Variants in NKIRAS1 observed in about 807,000 individuals in gnomAD.
The protein encoded by NKIRAS1 is NFKB inhibitor interacting Ras like 1.
In NKIRAS1, 16 loss-of-function variants were observed where a neutral mutation model predicts 19.8. That is an observed-to-expected ratio of 0.81 (90% CI 0.55 to 1.23). The LOEUF (loss-of-function observed/expected upper bound fraction) is 1.23. Ranked by LOEUF, NKIRAS1 falls within the 50% of genes most tolerant of loss-of-function variation. The pLI is 0.00. For synonymous variants in NKIRAS1, 88 were observed against 79.0 expected, an observed-to-expected ratio of 1.11 and a Z score of -0.61; for missense variants, 184 against 220.0, an observed-to-expected ratio of 0.84 and a Z score of 1.04.
chr3:23,903,904 C>G (rs1702760972), intron 3 of NKIRAS1, among the ~76,000 whole-genome samples: 1 of 152,230 alleles, frequency 6.6e-6, no homozygotes, highest in Admixed American at 6.5e-5. Flanking sequence ...GGGGCTCACA[C>G]CTGTAATACC....
chr3:23,892,301 T>C lies in NKIRAS1; in HGVS notation c.*794A>G, dbSNP rs1188227305. ...TAGAGCCCAATATTTTTGATACTTT[T>C]ATTGTATATGACTAGTTTTCTAGAA... On this transcript the variant is annotated 3_prime_UTR_variant, in exon 5 of 5. Transcript: ENST00000425478. The C allele has an allele frequency of 6.6e-6, 1 of 152,222 alleles. No individual in the cohort carries two copies. Among genetic ancestry groups the C allele is most frequent in the Admixed American group, 6.5e-5 (1 of 15,282 alleles). 9.4% of individuals were successfully genotyped at this position (152,222 alleles called of 1,614,324 possible). A position where few individuals can be genotyped will look rare whatever the true frequency, so the allele number is the denominator to read the frequency against.
chr3:23,899,244 CTG>C (rs1275276675), intron 4 of NKIRAS1, among the ~76,000 whole-genome samples: 1 of 152,150 alleles, frequency 6.6e-6, no homozygotes. Flanking sequence ...TGGAAACGTT[CTG>C]TGTCTTGACT....
At chr3:23,908,771 C>G (rs1703330244) in intron 3 of NKIRAS1, among the ~76,000 whole-genome samples, 1 of 151,940 alleles carries the variant, frequency 6.6e-6, no homozygotes, top group Non-Finnish European at 1.5e-5. Context: ...CCATGTGATT[C>G]TCCCACCCCA....
At chr3:23,911,873 C>G (rs919951851) in intron 1 of NKIRAS1, among the ~76,000 whole-genome samples, 12 of 151,694 alleles carry the variant, frequency 7.9e-5, no homozygotes, top group Non-Finnish European at 4.4e-5. Context: ...AGCGATTCTC[C>G]TGCCTCAATC....
At chr3:23,920,777 T>A (rs986913355), upstream of NKIRAS1, 4 of 966,734 alleles carry the variant, frequency 4.1e-6, no homozygotes, top group South Asian at 4.8e-5. Context: ...AGAAAAGATC[T>A]TAAGTCATAC....
chr3:23,914,322 T>C (rs1432821016), intron 1 of NKIRAS1, among the ~76,000 whole-genome samples: 2 of 152,252 alleles, frequency 1.3e-5, no homozygotes, highest in East Asian at 1.9e-4. Flanking sequence ...TCTATTTTTA[T>C]AAGTAAAACA....
Position 23,892,913 on chromosome 3 carries a change from CAAT to C in NKIRAS1, c.*179_*181del, listed in dbSNP as rs1701581099. On this transcript the variant is annotated 3_prime_UTR_variant, in exon 5 of 5. Transcript: ENST00000425478. Reference sequence around the variant, plus strand: ...TAAGAATATATTATTTCATATCAGGCAATAATAACCTTAGCCCAAATACTTTTA... The same window carrying C: ...TAAGAATATATTATTTCATATCAGGCAATAACCTTAGCCCAAATACTTTTA... 1.4e-5 allele frequency: 6 copies of C among 438,628 alleles called. No individual in the cohort carries two copies. In the South Asian group the frequency reaches 4.5e-4, roughly 33 times the overall value. 27.2% of individuals were successfully genotyped at this position (438,628 alleles called of 1,614,324 possible).
upstream of NKIRAS1, chr3:23,917,754 G>A: frequency 4.7e-6 from 6 of 1,264,434 alleles, no homozygotes; most frequent in Non-Finnish European, 5.5e-6. Flanking sequence ...ATTCCCGGCG[G>A]TTTCCTTGTT....
At chr3:23,920,102 T>C (rs753460903), upstream of NKIRAS1, 24 of 985,896 alleles carry the variant, frequency 2.4e-5, no homozygotes, top group South Asian at 7.5e-4. Flanking sequence ...GCGATAAAAT[T>C]ATTAGCCTTA....
intron 3 of NKIRAS1, among the ~76,000 whole-genome samples, chr3:23,906,761 G>A (rs1263294884): frequency 6.6e-6 from 1 of 151,600 alleles, no homozygotes; most frequent in African/African-American, 2.4e-5. Flanking sequence ...TATTTTATAG[G>A]CATTATCATC....
chr3:23,918,129 C>A, upstream of NKIRAS1: 1 of 1,428,032 alleles, frequency 7.0e-7, no homozygotes, highest in Non-Finnish European at 9.4e-7. Flanking sequence ...TGTCTTTCTT[C>A]GCATAGGGCT....
intron 1 of NKIRAS1, among the ~76,000 whole-genome samples, chr3:23,939,744 AAAAC>A (rs200007298): frequency 4.5e-4 from 68 of 152,334 alleles, no homozygotes; most frequent in East Asian, 2.3e-3. Context: ...ACTCCGTCTC[AAAAC>A]AAACAAACAA....
intron 1 of NKIRAS1, among the ~76,000 whole-genome samples, chr3:23,939,524 A>G (rs1396602423): frequency 6.6e-6 from 1 of 152,144 alleles, no homozygotes; most frequent in African/African-American, 2.4e-5. Context: ...TGGGCGGATC[A>G]TGAGGCCAGG....
At chr3:23,920,830 C>CT (rs1705039535), upstream of NKIRAS1, 1 of 913,364 alleles carries the variant, frequency 1.1e-6, no homozygotes, top group Admixed American at 6.2e-5. Flanking sequence ...GAATAAATGT[C>CT]TATTAAACTA....
intron 1 of NKIRAS1, among the ~76,000 whole-genome samples, chr3:23,944,433 C>T (rs1479679202): frequency 6.6e-6 from 1 of 152,196 alleles, no homozygotes; most frequent in East Asian, 1.9e-4. Flanking sequence ...TCTATCAGCC[C>T]ATCTTACTTC....
intron 1 of NKIRAS1, among the ~76,000 whole-genome samples, chr3:23,913,264 A>T (rs1428458302): frequency 6.6e-6 from 1 of 152,182 alleles, no homozygotes. Context: ...CGGTAAAAGT[A>T]ACTGAATAAA....
intron 3 of NKIRAS1, 128 bp from the exon 4 acceptor site, chr3:23,901,177 T>TA: frequency 7.5e-6 from 8 of 1,061,180 alleles, no homozygotes; most frequent in Admixed American, 2.4e-5. Context: ...ATTTCTATTT[T>TA]ACTTTTTTTT....
At chr3:23,917,030 G>C (rs1257797668), upstream of NKIRAS1, 1 of 152,550 alleles carries the variant, frequency 6.6e-6, no homozygotes, top group Non-Finnish European at 1.5e-5. Context: ...TCCGCCACCA[G>C]GCGCGATGCC....
rs908361858 is a variant in NKIRAS1 at position 23,900,599 on chromosome 3, C to T, written c.336+209G>A. On this transcript the variant is annotated intron_variant, in intron 4 of 4. Transcript: ENST00000425478. Reference sequence around the variant, plus strand: ...GCAGTGAGCCAAGATCGCATCATTGCACTTTCAACTCTTGCCTGGGAGACA... The same window carrying T: ...GCAGTGAGCCAAGATCGCATCATTGTACTTTCAACTCTTGCCTGGGAGACA... 1.3e-4 allele frequency among the ~76,000 whole-genome samples: 18 copies of T among 140,138 alleles called. 2 individuals carry two copies. Among genetic ancestry groups the T allele is most frequent in the Admixed American group, 1.2e-3 (16 of 13,002 alleles). The allele number at this position is 140,138 out of a possible 152,430, so 91.9% of individuals were successfully genotyped here. A position where few individuals can be genotyped will look rare whatever the true frequency, so the allele number is the denominator to read the frequency against.
Sources: gnomAD v4.1 joint callset for allele counts (sites outside exome capture counted in the v4.1 genomes callset) on GRCh38, gnomAD v4.1.1 for gene constraint, MANE v1.5 for transcripts, NCBI Gene and HGNC (gene_info 2026-07-23, HGNC 2026-07-21) for gene names.